The following MEMO1 variants were observed in gnomAD, a reference collection of about 807,000 sequenced individuals.
MEMO1 encodes protein MEMO1.
MEMO1 carries 6 observed loss-of-function variants against 45.2 expected under a neutral mutation model. That is an observed-to-expected ratio of 0.13 (90% CI 0.07 to 0.26). The LOEUF (loss-of-function observed/expected upper bound fraction) is 0.26. MEMO1 is among the 10% of genes least tolerant of loss of function. The pLI is 1.00. For synonymous variants in MEMO1, 78 were observed against 124.3 expected (o/e 0.63, Z 2.48); for missense variants, 184 against 370.5 (o/e 0.50, Z 4.13).
chr2:31,987,676 G>A (rs1671435422), intron 2 of MEMO1, among the ~76,000 whole-genome samples: 1 of 152,136 alleles, frequency 6.6e-6, no homozygotes, highest in African/African-American at 2.4e-5. Context: ...GATTATAGTG[G>A]TGATGTCACC....
At chr2:31,931,807 C>CA (rs1394879454) in intron 4 of MEMO1, among the ~76,000 whole-genome samples, 4 of 151,858 alleles carry the variant, frequency 2.6e-5, no homozygotes, top group African/African-American at 7.2e-5. Flanking sequence ...AAAGAAATAT[C>CA]AAAAAACAAA....
intron 2 of MEMO1, among the ~76,000 whole-genome samples, chr2:32,008,776 G>A (rs1215968508): frequency 6.6e-6 from 1 of 152,168 alleles, no homozygotes; most frequent in Non-Finnish European, 1.5e-5. Flanking sequence ...AGCTATAGCT[G>A]CAAATCCAAT....
chr2:31,891,172 TC>T (rs1676922056), intron 7 of MEMO1, among the ~76,000 whole-genome samples: 1 of 152,206 alleles, frequency 6.6e-6, no homozygotes, highest in South Asian at 2.1e-4. Context: ...ATTTTAGGTT[TC>T]CTTATAATCA....
chr2:31,923,686 G>A lies in MEMO1; in HGVS notation c.213-2776C>T, dbSNP rs762772532. ...GCATTTTTCTGATTGAGGAAAATAT[G>A]AAAAGACAGAGAGAAAGGATATTTA... is the stretch of plus-strand genomic sequence containing the variant. On this transcript the variant is annotated intron_variant, in intron 4 of 9. Coordinates refer to ENST00000404530, the MANE Select transcript of MEMO1 (RefSeq NM_001301833.4). The A allele has an allele frequency of 8.4e-6, 13 of 1,548,108 alleles. No individual in the cohort carries two copies. The South Asian group carries it at 1.6e-4, about 18-fold the overall frequency.
intron 4 of MEMO1, among the ~76,000 whole-genome samples, chr2:31,930,409 A>G (rs967981086): frequency 1.3e-4 from 19 of 151,638 alleles, no homozygotes; most frequent in African/African-American, 4.4e-4. Flanking sequence ...CTTCTTTCTC[A>G]CTTTCCATTA....
intron 2 of MEMO1, among the ~76,000 whole-genome samples, chr2:31,950,633 A>G (rs1277031203): frequency 6.6e-6 from 1 of 151,634 alleles, no homozygotes; most frequent in Non-Finnish European, 1.5e-5. Context: ...AGGCACGAGA[A>G]TCGCTTGAAC....
intron 6 of MEMO1, among the ~76,000 whole-genome samples, chr2:31,912,999 C>G (rs1263437075): frequency 6.6e-6 from 1 of 152,072 alleles, no homozygotes; most frequent in Non-Finnish European, 1.5e-5. Context: ...AAACATGCAG[C>G]CAGGCATGGT....
At chr2:31,942,909 T>C (rs927728826) in intron 3 of MEMO1, among the ~76,000 whole-genome samples, 1 of 152,252 alleles carries the variant, frequency 6.6e-6, no homozygotes, top group African/African-American at 2.4e-5. Flanking sequence ...CAGCTCAGTA[T>C]AGACTTCAGT....
chr2:32,005,997 G>A (rs1422948843), intron 2 of MEMO1, among the ~76,000 whole-genome samples: 1 of 152,110 alleles, frequency 6.6e-6, no homozygotes, highest in Non-Finnish European at 1.5e-5. Flanking sequence ...TTCAACAGAG[G>A]GACCAGTTTG....
chr2:32,001,023 T>G (rs959308646), intron 2 of MEMO1, among the ~76,000 whole-genome samples: 4 of 148,220 alleles, frequency 2.7e-5, no homozygotes, highest in Non-Finnish European at 5.9e-5. Context: ...AGAAGTGCCA[T>G]AAATTTTGAT....
Position 31,926,946 on chromosome 2 carries a change from T to A in MEMO1, c.212+5121A>T, listed in dbSNP as rs1370569918. The stretch of plus-strand genomic sequence containing the variant: ...CATTGAAAATATCTGCATAATCCAA[T>A]AAAAATTTTCCAAATGCTCCACACG... On this transcript the variant is annotated intron_variant, in intron 4 of 9. Coordinates refer to ENST00000404530, the MANE Select transcript of MEMO1 (RefSeq NM_001301833.4). 2.0e-5 allele frequency among the ~76,000 whole-genome samples: 3 copies of A among 152,114 alleles called. No individual in the cohort carries two copies. The East Asian group carries it at 5.8e-4, about 29-fold the overall frequency.
intron 8 of MEMO1, among the ~76,000 whole-genome samples, chr2:31,872,016 A>AACACACACATAC (rs1673842954): frequency 7.0e-6 from 1 of 143,218 alleles, no homozygotes; most frequent in African/African-American, 2.6e-5. Context: ...TCTGTCTCAA[A>AACACACACATAC]ACACACACAC....
intron 8 of MEMO1, among the ~76,000 whole-genome samples, chr2:31,870,215 T>A (rs1398803121): frequency 6.6e-6 from 1 of 152,150 alleles, no homozygotes; most frequent in Non-Finnish European, 1.5e-5. Flanking sequence ...CTATACTACT[T>A]TAACCAGTTG....
intron 2 of MEMO1, among the ~76,000 whole-genome samples, chr2:31,983,314 G>T (rs1273915073): frequency 6.6e-6 from 1 of 152,146 alleles, no homozygotes; most frequent in East Asian, 1.9e-4. Context: ...TACAGAAAGA[G>T]ATATGTGTGT....
chr2:31,991,341 G>A (rs1168276662), intron 2 of MEMO1, among the ~76,000 whole-genome samples: 5 of 152,192 alleles, frequency 3.3e-5, no homozygotes, highest in Non-Finnish European at 7.3e-5. Flanking sequence ...GGGAGCCGAG[G>A]TGGGAGGATC....
At chr2:31,994,915 T>G (rs1026436025) in intron 2 of MEMO1, among the ~76,000 whole-genome samples, 21 of 147,402 alleles carry the variant, frequency 1.4e-4, no homozygotes, top group African/African-American at 4.0e-4. Context: ...GCCAAGGCAC[T>G]CGTGCCTTGC....
chr2:31,937,398 T>C (rs1665042608), intron 3 of MEMO1, among the ~76,000 whole-genome samples: 1 of 152,208 alleles, frequency 6.6e-6, no homozygotes, highest in African/African-American at 2.4e-5. Flanking sequence ...TTTGAGACTT[T>C]GACATGAATA....
chr2:31,899,758 T>A (rs1678490527), intron 6 of MEMO1, among the ~76,000 whole-genome samples: 1 of 152,168 alleles, frequency 6.6e-6, no homozygotes, highest in African/African-American at 2.4e-5. Flanking sequence ...ACCTACAGAA[T>A]GGGAGAAACT....
chr2:31,966,833 T>C (rs1356382715), intron 2 of MEMO1, among the ~76,000 whole-genome samples: 3 of 152,136 alleles, frequency 2.0e-5, no homozygotes, highest in African/African-American at 4.8e-5. Context: ...CTGCCACATT[T>C]GTAAATGATG....
Sources: allele counts gnomAD v4.1 joint callset (sites outside exome capture counted in the v4.1 genomes callset), GRCh38; gene constraint gnomAD v4.1.1; transcripts MANE v1.5; gene names NCBI Gene and HGNC (gene_info 2026-07-23, HGNC 2026-07-21).